Variants in MTMR10 observed in about 807,000 individuals in gnomAD.
MTMR10 encodes myotubularin related protein 10.
A neutral mutation model predicts 88.1 loss-of-function variants in MTMR10; 56 were observed. The observed-to-expected ratio is 0.64, with a 90% CI of 0.51 to 0.79. MTMR10 has a LOEUF of 0.79. Ranked by LOEUF, MTMR10 falls within the 30% of genes least tolerant of loss-of-function variation. The probability of loss-of-function intolerance (pLI) is 0.00; values close to 1 mark genes in which losing one functional copy is unlikely to be tolerated. For synonymous variants in MTMR10, 380 were observed against 340.9 expected (o/e 1.11, Z -1.26); for missense variants, 883 against 924.7 (o/e 0.95, Z 0.58).
chr15:30,927,940 G>A, the MTMR10 span: 2 of 985,700 alleles, frequency 2.0e-6, no homozygotes, highest in East Asian at 1.1e-4. Flanking sequence ...TTTGTGTGAC[G>A]TGAGGAGGGG....
At chr15:30,970,325 A>G (rs2063522317) in intron 5 of MTMR10, among the ~76,000 whole-genome samples, 1 of 152,168 alleles carries the variant, frequency 6.6e-6, no homozygotes, top group Non-Finnish European at 1.5e-5. Flanking sequence ...TTAGATAACT[A>G]TGAATGCTAA....
At chr15:30,930,034 TTAA>T in the MTMR10 span, among the ~76,000 whole-genome samples, 6 of 138,548 alleles carry the variant, frequency 4.3e-5, no homozygotes, top group African/African-American at 1.3e-4. Context: ...AATATATATA[TTAA>T]TATTATATAA....
At position 30,940,653 on chromosome 15, in the gene MTMR10, C is replaced by G; in HGVS notation, c.*817G>C. ...CATACACCTCTGTGGAATCAGCACC[C>G]CAGAGGCCACTCCCCAGTGGCTTTC... On this transcript the variant is annotated 3_prime_UTR_variant, in exon 16 of 16. Transcript: ENST00000435680. 1 of 986,526 alleles carries G rather than the reference C, an allele frequency of 1.0e-6. No individual in the cohort carries two copies. Among genetic ancestry groups the G allele is most frequent in the Non-Finnish European group, 1.2e-6 (1 of 830,818 alleles). 61.1% of individuals were successfully genotyped at this position (986,526 alleles called of 1,614,324 possible). A position where few individuals can be genotyped will look rare whatever the true frequency, so the allele number is the denominator to read the frequency against.
chr15:30,941,342 T>C lies in MTMR10; in HGVS notation c.*128A>G, dbSNP rs2063045020. On this transcript the variant is annotated 3_prime_UTR_variant, in exon 16 of 16. Transcript: ENST00000435680. ...GCATGATTCAACATGTTTTTAAATA[T>C]TAGTGCAAATTCCAACTATTATTCT... 8 of 1,533,988 alleles carry C rather than the reference T, an allele frequency of 5.2e-6. No homozygotes were observed. The highest frequency in any genetic ancestry group is 1.2e-5 in the South Asian group (1 of 82,706).
At chr15:30,965,687 CT>C (rs1161331472) in intron 6 of MTMR10, among the ~76,000 whole-genome samples, 2 of 152,190 alleles carry the variant, frequency 1.3e-5, no homozygotes, top group Non-Finnish European at 2.9e-5. Context: ...TCTTACTTTA[CT>C]CCAGGATATT....
the MTMR10 span, chr15:30,925,712 C>T: frequency 1.3e-6 from 2 of 1,528,372 alleles, no homozygotes; most frequent in African/African-American, 1.4e-5. Flanking sequence ...GAGGTCAATC[C>T]TCACGATGCT....
chr15:30,967,787 C>T, intron 6 of MTMR10, 133 bp downstream of exon 6: 1 of 667,702 alleles, frequency 1.5e-6, no homozygotes, highest in Non-Finnish European at 2.4e-6. Flanking sequence ...GCATGTAGTG[C>T]TTACTTCTCT....
At chr15:30,974,536 A>G in intron 4 of MTMR10, 80 bp from the exon 5 acceptor site, 1 of 1,262,124 alleles carries the variant, frequency 7.9e-7, no homozygotes, top group Non-Finnish European at 1.0e-6. Flanking sequence ...ATTCTTAGTG[A>G]AAATAATTGG....
chr15:30,946,607 G>A, intron 14 of MTMR10: 1 of 637,198 alleles, frequency 1.6e-6, no homozygotes, highest in Non-Finnish European at 2.8e-6. Context: ...GCATTTGTCA[G>A]CTTCTGTTGT....
At chr15:30,978,627 C>T (rs2030333456) in intron 2 of MTMR10, among the ~76,000 whole-genome samples, 1 of 152,202 alleles carries the variant, frequency 6.6e-6, no homozygotes, top group African/African-American at 2.4e-5. Flanking sequence ...CTGATTCTTT[C>T]AACAACCTGT....
chr15:30,975,108 A>T (rs534138835), intron 3 of MTMR10, 105 bp from the exon 4 acceptor site: 1 of 855,028 alleles, frequency 1.2e-6, no homozygotes, highest in Non-Finnish European at 1.7e-6. Flanking sequence ...ATCTCTAAAA[A>T]GCACAAAAAG....
At chr15:30,970,583 C>T (rs1029433605) in intron 5 of MTMR10, among the ~76,000 whole-genome samples, 2 of 152,066 alleles carry the variant, frequency 1.3e-5, no homozygotes, top group Non-Finnish European at 2.9e-5. Flanking sequence ...ATGCTCCAAG[C>T]CAATAATAAT....
At chr15:30,964,544 T>G (rs2063449870) in intron 6 of MTMR10, among the ~76,000 whole-genome samples, 1 of 152,244 alleles carries the variant, frequency 6.6e-6, no homozygotes. Flanking sequence ...CTATATCATC[T>G]TCAGTTAGAG....
rs2062956195 is a variant in MTMR10, at chr15:30,939,236, T to C, written c.*2234A>G. The C allele has an allele frequency of 1.2e-5, 12 of 985,440 alleles. No homozygotes were observed. The highest frequency in any genetic ancestry group is 1.7e-5 in the African/African-American group (1 of 57,376). 61.0% of individuals were successfully genotyped at this position (985,440 alleles called of 1,614,324 possible). ...TTGGTTTCAAAATCAGTTTCCATCA[T>C]AAAATAACAGCAAGACACTGTACAC... On this transcript the variant is annotated 3_prime_UTR_variant, in exon 16 of 16. Coordinates refer to ENST00000435680, the MANE Select transcript of MTMR10 (RefSeq NM_017762.3).
At position 30,991,448 on chromosome 15, in the gene MTMR10, T is replaced by G. The variant is rs1331952956; in HGVS notation, c.59A>C (p.Gln20Pro). 8.7e-6 allele frequency: 13 copies of G among 1,497,710 alleles called. No individual in the cohort carries two copies. Among genetic ancestry groups the G allele is most frequent in the South Asian group, 5.3e-5 (4 of 75,292 alleles). The allele number at this position is 1,497,710 out of a possible 1,614,324, so 92.8% of individuals were successfully genotyped here. A position where few individuals can be genotyped will look rare whatever the true frequency, so the allele number is the denominator to read the frequency against. Reference protein sequence around the residue: ...TFRSYLLPPPQTDDKINSEPK... With the variant: ...TFRSYLLPPPPTDDKINSEPK... Reference sequence around the variant, plus strand: ...CGCTCGCGGGGAGGGGTTGTTTACCTGGGGCGGTGGCAGGAGGTAGGACCT... The same window carrying G: ...CGCTCGCGGGGAGGGGTTGTTTACCGGGGGCGGTGGCAGGAGGTAGGACCT... Residue 20 changes from glutamine to proline, a missense_variant and splice_region_variant, in exon 1 of 16, where the codon CAG becomes CCG. Transcript: ENST00000435680.
intron 6 of MTMR10, among the ~76,000 whole-genome samples, chr15:30,965,623 A>G (rs1474066621): frequency 1.3e-5 from 2 of 152,196 alleles, no homozygotes; most frequent in African/African-American, 4.8e-5. Context: ...TGTGCTAGTA[A>G]TATCTCCTGG....
downstream of MTMR10, chr15:30,937,034 A>G (rs2140971704): frequency 9.5e-7 from 1 of 1,056,850 alleles, no homozygotes; most frequent in Admixed American, 2.1e-5. Context: ...CCATTTAAAT[A>G]GTTGTCAGTG....
Position 30,941,423 on chromosome 15 carries a change from G to A in MTMR10, c.*47C>T, listed in dbSNP as rs754509244. The A allele has an allele frequency of 6.4e-7, 1 of 1,565,774 alleles. No homozygotes were observed. Among genetic ancestry groups the A allele is most frequent in the Non-Finnish European group, 8.6e-7 (1 of 1,158,652 alleles). The stretch of plus-strand genomic sequence containing the variant: ...CTAGGTTAGCAATGTTAATTCAGAG[G>A]AAAAAAGTTGACAGCTTCCCTCAAA... On this transcript the variant is annotated 3_prime_UTR_variant, in exon 16 of 16. Coordinates refer to ENST00000435680, the MANE Select transcript of MTMR10 (RefSeq NM_017762.3).
At chr15:30,990,944 GC>G (rs145162826) in intron 1 of MTMR10, 107 bp from the exon 2 acceptor site, 38 of 871,526 alleles carry the variant, frequency 4.4e-5, no homozygotes, top group Non-Finnish European at 6.2e-5. Flanking sequence ...AAGACACACA[GC>G]CCCCCATTTA....
Sources: gnomAD v4.1 joint callset for allele counts (sites outside exome capture counted in the v4.1 genomes callset) on GRCh38, gnomAD v4.1.1 for gene constraint, MANE v1.5 for transcripts, NCBI Gene and HGNC (gene_info 2026-07-23, HGNC 2026-07-21) for gene names.